The following CCSER1 variants were observed in gnomAD, a reference collection of about 807,000 sequenced individuals.
CCSER1 encodes the protein serine-rich coiled-coil domain-containing protein 1.
CCSER1 carries 41 observed loss-of-function variants against 82.0 expected under a neutral mutation model. That is an observed-to-expected ratio of 0.50 (90% CI 0.39 to 0.65). The LOEUF is 0.65. CCSER1 is among the 30% of genes least tolerant of loss of function. The pLI is 0.00. For synonymous variants in CCSER1, 414 were observed against 383.9 expected (o/e 1.08, Z -0.92); for missense variants, 1,119 against 1,064.2 (o/e 1.05, Z -0.72).
At chr4:91,218,369 A>T (rs1737465796) in intron 10 of CCSER1, among the ~76,000 whole-genome samples, 1 of 152,150 alleles carries the variant, frequency 6.6e-6, no homozygotes, top group Non-Finnish European at 1.5e-5. Context: ...CCTCCCTGCA[A>T]GCTGAGGGAG....
chr4:90,832,610 G>A (rs930817191), intron 8 of CCSER1, among the ~76,000 whole-genome samples: 16 of 152,038 alleles, frequency 1.1e-4, no homozygotes, highest in Admixed American at 6.6e-4. Flanking sequence ...CAGTCATTAA[G>A]CAAATGATCA....
At chr4:91,062,542 C>T (rs898729820) in intron 9 of CCSER1, among the ~76,000 whole-genome samples, 1 of 151,954 alleles carries the variant, frequency 6.6e-6, no homozygotes, top group Non-Finnish European at 1.5e-5. Flanking sequence ...ATGAGGTGGT[C>T]CCTGGAGTGC....
Position 91,131,424 on chromosome 4 carries a change from A to G in CCSER1, c.2217+45430A>G, listed in dbSNP as rs181416407. Among the ~76,000 whole-genome samples, 130 of 151,294 alleles carry G rather than the reference A, an allele frequency of 8.6e-4. 4 individuals carry two copies. Among genetic ancestry groups the G allele is most frequent in the Admixed American group, 7.4e-3 (112 of 15,124 alleles). On this transcript the variant is annotated intron_variant, in intron 10 of 10. Transcript: ENST00000509176. ...ACACACTGACCTGGTTGTATCTGAT[A>G]GTTTCCTCATTGCTTCAATCAGGCT... is the stretch of plus-strand genomic sequence containing the variant.
intron 10 of CCSER1, among the ~76,000 whole-genome samples, chr4:91,113,962 C>A (rs1420113689): frequency 6.6e-6 from 1 of 151,992 alleles, no homozygotes; most frequent in African/African-American, 2.4e-5. Flanking sequence ...ACGCCGTTCT[C>A]CTGCCTCAGC....
intron 5 of CCSER1, among the ~76,000 whole-genome samples, chr4:90,545,946 A>G (rs901986455): frequency 1.3e-5 from 2 of 152,160 alleles, no homozygotes; most frequent in Non-Finnish European, 2.9e-5. Flanking sequence ...AGCAAAATTT[A>G]GACAGAGGAA....
chr4:90,381,004 G>A (rs977962930), intron 3 of CCSER1, among the ~76,000 whole-genome samples: 4 of 152,206 alleles, frequency 2.6e-5, no homozygotes, highest in African/African-American at 7.2e-5. Flanking sequence ...ACCAGAGTTG[G>A]GCACTGATGG....
At chr4:90,451,315 A>G (rs1336435727) in intron 4 of CCSER1, among the ~76,000 whole-genome samples, 1 of 152,124 alleles carries the variant, frequency 6.6e-6, no homozygotes, top group East Asian at 1.9e-4. Context: ...CCATACTAGG[A>G]GGTACTGGAT....
rs1298872727 is a variant in CCSER1 at position 91,296,453 on chromosome 4, ATATATATATATATG to A, written c.2217+210473_2217+210486del. ...TGTAAACAGAAGTGTCTAACATTATATATATATATATATGTATATATATATATATATATTTTAAT... is the reference window on the plus strand; with the variant it reads ...TGTAAACAGAAGTGTCTAACATTATATATATATATATATATATATTTTAAT... On this transcript the variant is annotated intron_variant, in intron 10 of 10. Transcript: ENST00000509176. Among the ~76,000 whole-genome samples the A allele has an allele frequency of 1.1e-3, 94 of 88,396 alleles. 1 individual carries two copies. Among genetic ancestry groups the A allele is most frequent in the African/African-American group, 5.3e-3 (88 of 16,554 alleles). The allele number at this position is 88,396 out of a possible 152,430, so 58.0% of individuals were successfully genotyped here.
chr4:90,994,177 G>A (rs1480463860), intron 9 of CCSER1, among the ~76,000 whole-genome samples: 1 of 106,282 alleles, frequency 9.4e-6, no homozygotes, highest in Non-Finnish European at 2.1e-5. Context: ...CTGCACTCCA[G>A]CCTAAGCAAC....
intron 7 of CCSER1, chr4:90,780,924 A>T (rs6532242): frequency 0.57 from 239,380 of 418,398 alleles, 69,815 homozygotes; most frequent in African/African-American, 0.67. Context: ...AGTTCTGCAG[A>T]CTGTACAGGA....
intron 8 of CCSER1, among the ~76,000 whole-genome samples, chr4:90,880,816 G>A (rs1459200543): frequency 2.6e-5 from 4 of 152,042 alleles, no homozygotes; most frequent in Non-Finnish European, 5.9e-5. Flanking sequence ...AAGGCACTTC[G>A]CTGGGCTGGG....
At chr4:90,518,847 C>T (rs1209648030) in intron 5 of CCSER1, among the ~76,000 whole-genome samples, 1 of 151,560 alleles carries the variant, frequency 6.6e-6, no homozygotes, top group Admixed American at 6.6e-5. Context: ...CTATAGATAT[C>T]CATATAAAGA....
At position 90,652,754 on chromosome 4, in the gene CCSER1, C is replaced by A. The variant is rs111518299; in HGVS notation, c.1932+24522C>A. Reference sequence around the variant, plus strand: ...ACTATTTACAAGTTAATCTCTATTCCCCATTCAATCATTTTTGCTAGCAAT... The same window carrying A: ...ACTATTTACAAGTTAATCTCTATTCACCATTCAATCATTTTTGCTAGCAAT... On this transcript the variant is annotated intron_variant, in intron 6 of 10. Transcript: ENST00000509176. Among the ~76,000 whole-genome samples, 1,405 of 152,164 alleles carry A rather than the reference C, an allele frequency of 9.2e-3. 28 individuals are homozygous for A. Among genetic ancestry groups the A allele is most frequent in the African/African-American group, 0.032 (1,336 of 41,490 alleles).
chr4:91,179,676 T>A (rs1560497002), intron 10 of CCSER1, among the ~76,000 whole-genome samples: 1 of 152,238 alleles, frequency 6.6e-6, no homozygotes, highest in Non-Finnish European at 1.5e-5. Context: ...GTCTTCTGTA[T>A]GCTTTTTATT....
chr4:91,055,965 A>G (rs1469975431), intron 9 of CCSER1, among the ~76,000 whole-genome samples: 2 of 151,834 alleles, frequency 1.3e-5, no homozygotes, highest in African/African-American at 2.4e-5. Context: ...TTAGCTGCTC[A>G]TGTCTTTGGA....
intron 10 of CCSER1, among the ~76,000 whole-genome samples, chr4:91,556,928 G>A (rs751634157): frequency 6.6e-6 from 1 of 151,004 alleles, no homozygotes; most frequent in Non-Finnish European, 1.5e-5. Context: ...ATTTTTTAGA[G>A]AGGCCATTTT....
At chr4:90,482,479 G>A (rs1766193415) in intron 5 of CCSER1, among the ~76,000 whole-genome samples, 2 of 152,146 alleles carry the variant, frequency 1.3e-5, no homozygotes, top group Non-Finnish European at 2.9e-5. Context: ...GTCAATTTTA[G>A]ATCTTTCCTG....
chr4:90,695,468 T>A (rs1736835982), intron 6 of CCSER1, among the ~76,000 whole-genome samples: 2 of 152,056 alleles, frequency 1.3e-5, no homozygotes, highest in South Asian at 4.1e-4. Flanking sequence ...AAAGCCCTCA[T>A]TATTACTTTA....
chr4:90,178,168 T>C (rs1733055467), intron 1 of CCSER1, among the ~76,000 whole-genome samples: 1 of 152,120 alleles, frequency 6.6e-6, no homozygotes, highest in Non-Finnish European at 1.5e-5. Flanking sequence ...ATTGTTGTAG[T>C]GTGCTCAAGC....
Sources: allele counts gnomAD v4.1 joint callset (sites outside exome capture counted in the v4.1 genomes callset), GRCh38; gene constraint gnomAD v4.1.1; transcripts MANE v1.5; gene names NCBI Gene and HGNC (gene_info 2026-07-23, HGNC 2026-07-21).